Variants in EXOC2 observed in about 807,000 individuals in gnomAD.
EXOC2 encodes the protein exocyst complex component 2.
In EXOC2, 70 loss-of-function variants were observed where a neutral mutation model predicts 131.8. The observed-to-expected ratio is 0.53, with a 90% CI of 0.44 to 0.65. The LOEUF is 0.65. Ranked by LOEUF, EXOC2 falls within the 30% of genes least tolerant of loss-of-function variation. EXOC2 has a pLI of 0.00. For missense variants in EXOC2, 923 were observed against 1,108.6 expected, an observed-to-expected ratio of 0.83 and a Z score of 2.38; for synonymous variants, 411 against 398.4, an observed-to-expected ratio of 1.03 and a Z score of -0.38.
At chr6:582,408 C>T (rs1053719731) in intron 11 of EXOC2, among the ~76,000 whole-genome samples, 20 of 151,512 alleles carry the variant, frequency 1.3e-4, no homozygotes, top group Admixed American at 1.2e-3. Flanking sequence ...GAACACTGAT[C>T]TGCAGCCTCA....
intron 23 of EXOC2, among the ~76,000 whole-genome samples, chr6:500,008 C>T (rs1436280644): frequency 6.6e-6 from 1 of 152,110 alleles, no homozygotes; most frequent in Non-Finnish European, 1.5e-5. Flanking sequence ...TTCACGCACA[C>T]ACACACAGAG....
At chr6:591,861 C>A (rs757837275) in intron 11 of EXOC2, among the ~76,000 whole-genome samples, 4 of 152,172 alleles carry the variant, frequency 2.6e-5, no homozygotes, top group African/African-American at 4.8e-5. Flanking sequence ...TCCCTCAGGG[C>A]CTCCACACAG....
chr6:557,711 G>A (rs1757495549), intron 17 of EXOC2, among the ~76,000 whole-genome samples: 1 of 151,706 alleles, frequency 6.6e-6, no homozygotes, highest in Non-Finnish European at 1.5e-5. Context: ...AGGCCCCCAA[G>A]ACTGTGAGAA....
At chr6:613,768 T>G (rs926104105) in intron 6 of EXOC2, among the ~76,000 whole-genome samples, 51 of 152,270 alleles carry the variant, frequency 3.3e-4, no homozygotes, top group African/African-American at 1.1e-3. Flanking sequence ...CATCAGGAGA[T>G]ATACCTAATG....
chr6:529,404 CAAAGA>C (rs56314256), intron 23 of EXOC2, among the ~76,000 whole-genome samples: 72,516 of 151,538 alleles, frequency 0.48, 19,960 homozygotes, highest in South Asian at 0.71. Context: ...AGAGGGCTGG[CAAAGA>C]AAAGTCTTCT....
chr6:509,050 T>C (rs371269610), intron 23 of EXOC2, among the ~76,000 whole-genome samples: 2 of 152,382 alleles, frequency 1.3e-5, no homozygotes, highest in East Asian at 1.9e-4. Context: ...TCTTTTCATA[T>C]GCTTATTCTC....
At chr6:631,682 T>C (rs1761866064) in intron 3 of EXOC2, among the ~76,000 whole-genome samples, 1 of 152,212 alleles carries the variant, frequency 6.6e-6, no homozygotes, top group Non-Finnish European at 1.5e-5. Flanking sequence ...CATAAGATAT[T>C]AGATTTTTAT....
chr6:499,756 C>T, intron 23 of EXOC2, 56 bp from the exon 24 acceptor site: 1 of 1,427,954 alleles, frequency 7.0e-7, no homozygotes, highest in Non-Finnish European at 9.9e-7. Flanking sequence ...AAGCTCCCCT[C>T]CCCTGCTGGC....
In EXOC2 at chr6:581,195, C is replaced by T. The variant is rs977812495; in HGVS notation, c.1193-4313G>A. 3.3e-5 allele frequency among the ~76,000 whole-genome samples: 5 copies of T among 151,720 alleles called. No homozygotes were observed. The South Asian group carries it at 6.2e-4, about 19-fold the overall frequency. On this transcript the variant is annotated intron_variant, in intron 11 of 27. Coordinates refer to ENST00000230449, the MANE Select transcript of EXOC2 (RefSeq NM_018303.6). Reference sequence around the variant, plus strand: ...CCTGTAGTCCCAGCTACTCGAGAGGCTGAGGCAGGAGAACTGCTTGTACCT... The same window carrying T: ...CCTGTAGTCCCAGCTACTCGAGAGGTTGAGGCAGGAGAACTGCTTGTACCT...
chr6:627,622 C>T (rs1010848574), intron 4 of EXOC2, among the ~76,000 whole-genome samples: 1 of 152,198 alleles, frequency 6.6e-6, no homozygotes, highest in Admixed American at 6.5e-5. Context: ...ACTGGCTCCT[C>T]CGAGACGGAG....
intron 1 of EXOC2, 147 bp downstream of exon 1, chr6:692,872 G>GGCCCCGCAGGTGACCGACGGC (rs1765014873): frequency 6.9e-6 from 1 of 145,508 alleles, no homozygotes; most frequent in Admixed American, 6.9e-5. Context: ...GGGGTCGCGG[G>GGCCCCGCAGGTGACCGACGGC]GCCCCGCAGG....
chr6:534,835 A>G (rs145850184), intron 22 of EXOC2, among the ~76,000 whole-genome samples: 2 of 152,322 alleles, frequency 1.3e-5, no homozygotes, highest in East Asian at 3.9e-4. Context: ...TAGTATCTAT[A>G]AACACAAACC....
rs373280049 is a variant in EXOC2 at position 655,849 on chromosome 6, C to T, written c.-43-17988G>A. ...TCATTACAACCCTGTTTTTCCCCCC[C>T]GAAAAAAAGAGTTGAAGAATAACTT... On this transcript the variant is annotated intron_variant, in intron 1 of 27. Coordinates refer to ENST00000230449, the MANE Select transcript of EXOC2 (RefSeq NM_018303.6). 2.2e-4 allele frequency: 70 copies of T among 316,538 alleles called. No individual in the cohort carries two copies. In the East Asian group the frequency reaches 2.3e-3, roughly 10 times the overall value. 19.6% of individuals were successfully genotyped at this position (316,538 alleles called of 1,614,324 possible). A position where few individuals can be genotyped will look rare whatever the true frequency, so the allele number is the denominator to read the frequency against.
Position 633,109 on chromosome 6 carries a change from T to C in EXOC2, c.127A>G (p.Ile43Val). Residue 43 changes from isoleucine to valine, a missense_variant, in exon 3 of 28, where the codon ATT becomes GTT. Physicochemically the swap from Ile to Val is conservative, Grantham distance 29 (BLOSUM62 3). Transcript: ENST00000230449. ...TGPTDLIGLT[I>V]CGHNCLLTAE... ...GTCAGGAGGCAATTATGTCCACAAATGGTCAAGCCTGAAAATAAACGCATG... is the reference window on the plus strand; with the variant it reads ...GTCAGGAGGCAATTATGTCCACAAACGGTCAAGCCTGAAAATAAACGCATG... 6.2e-7 allele frequency: 1 copy of C among 1,612,798 alleles called. No individual in the cohort carries two copies. The highest frequency in any genetic ancestry group is 8.5e-7 in the Non-Finnish European group (1 of 1,179,956).
At chr6:685,127 A>AACACACAC (rs35607623) in intron 1 of EXOC2, among the ~76,000 whole-genome samples, 26 of 149,606 alleles carry the variant, frequency 1.7e-4, no homozygotes, top group African/African-American at 3.7e-4. Context: ...ATCATTTGAA[A>AACACACAC]ACACACACAC....
rs762736216 is a variant in EXOC2, at chr6:687,171, C to CTTTTTTTTTTTTTTT, written c.-44+5833_-44+5847dup. Among the ~76,000 whole-genome samples the CTTTTTTTTTTTTTTT allele has an allele frequency of 1.8e-4, 14 of 78,366 alleles. 3 individuals carry two copies. Among genetic ancestry groups the CTTTTTTTTTTTTTTT allele is most frequent in the Non-Finnish European group, 2.2e-4 (10 of 45,478 alleles). The allele number at this position is 78,366 out of a possible 152,430, so 51.4% of individuals were successfully genotyped here. On this transcript the variant is annotated intron_variant, in intron 1 of 27. Coordinates refer to ENST00000230449, the MANE Select transcript of EXOC2 (RefSeq NM_018303.6). ...GAAGAAGTCATTATCAAATAATATT[C>CTTTTTTTTTTTTTTT]TTTTTTTTTTTTTTTTTTTTTTTGA...
chr6:672,214 T>G (rs1763907379), intron 1 of EXOC2, among the ~76,000 whole-genome samples: 1 of 152,236 alleles, frequency 6.6e-6, no homozygotes, highest in South Asian at 2.1e-4. Flanking sequence ...TCTGGCCTAC[T>G]GATGTGCTCA....
chr6:519,054 T>C (rs1765316836), intron 23 of EXOC2, among the ~76,000 whole-genome samples: 1 of 151,368 alleles, frequency 6.6e-6, no homozygotes, highest in Non-Finnish European at 1.5e-5. Context: ...GAGGGATGGG[T>C]GGGTGACAGG....
intron 23 of EXOC2, among the ~76,000 whole-genome samples, chr6:501,127 ATT>A (rs1491446890): frequency 7.6e-5 from 5 of 65,994 alleles, no homozygotes; most frequent in African/African-American, 2.7e-4. Context: ...ATCTATATAT[ATT>A]ATATATATCT....
Sources: allele counts gnomAD v4.1 joint callset (sites outside exome capture counted in the v4.1 genomes callset), GRCh38; gene constraint gnomAD v4.1.1; transcripts MANE v1.5; gene names NCBI Gene and HGNC (gene_info 2026-07-23, HGNC 2026-07-21).